SH3BGRL2: variants seen among roughly 807,000 people sequenced by gnomAD.
The protein encoded by SH3BGRL2 is SH3 domain binding glutamate rich protein like 2.
In SH3BGRL2, 21 loss-of-function variants were observed where a neutral mutation model predicts 14.8. The observed-to-expected ratio is 1.42, with a 90% CI of 1.01 to 2.05. The LOEUF is 2.05. Ranked by LOEUF, SH3BGRL2 falls within the 30% of genes most tolerant of loss-of-function variation. The pLI is 0.00. For missense variants in SH3BGRL2, 147 were observed against 130.8 expected, an observed-to-expected ratio of 1.12 and a Z score of -0.61; for synonymous variants, 50 against 47.8, an observed-to-expected ratio of 1.05 and a Z score of -0.19.
chr6:79,659,409 T>G (rs895737332), intron 1 of SH3BGRL2, among the ~76,000 whole-genome samples: 24 of 152,172 alleles, frequency 1.6e-4, no homozygotes, highest in African/African-American at 5.5e-4. Flanking sequence ...TTTCCCCATT[T>G]CTTGTTTTTG....
chr6:79,631,560 G>C, intron 1 of SH3BGRL2, 54 bp downstream of exon 1: 1 of 1,333,262 alleles, frequency 7.5e-7, no homozygotes, highest in Non-Finnish European at 9.7e-7. Context: ...CGGGTCCTGC[G>C]GGAGGCGCGC....
the SH3BGRL2 span, among the ~76,000 whole-genome samples, chr6:79,607,512 T>C: frequency 6.6e-6 from 1 of 152,222 alleles, no homozygotes; most frequent in Non-Finnish European, 1.5e-5. Context: ...CATTGTTAGA[T>C]GTTCCAGCCT....
chr6:79,574,297 G>A, the SH3BGRL2 span: 3 of 152,126 alleles, frequency 2.0e-5, no homozygotes, highest in Non-Finnish European at 2.9e-5. Context: ...GAATATATGG[G>A]GAGAAACTAA....
chr6:79,632,172 T>C (rs1427271186), intron 1 of SH3BGRL2, among the ~76,000 whole-genome samples: 1 of 152,204 alleles, frequency 6.6e-6, no homozygotes, highest in Non-Finnish European at 1.5e-5. Context: ...CTGTGGAAAT[T>C]TTATCCTGGG....
chr6:79,624,974 G>A, the SH3BGRL2 span, among the ~76,000 whole-genome samples: 1 of 151,982 alleles, frequency 6.6e-6, no homozygotes, highest in Non-Finnish European at 1.5e-5. Flanking sequence ...GGTTCCAGAT[G>A]AGCCCAGGCA....
At chr6:79,660,667 G>A (rs1024733145) in intron 1 of SH3BGRL2, among the ~76,000 whole-genome samples, 1 of 152,184 alleles carries the variant, frequency 6.6e-6, no homozygotes, top group African/African-American at 2.4e-5. Context: ...ATGAGTTAGG[G>A]AGGATTCCGT....
intron 1 of SH3BGRL2, among the ~76,000 whole-genome samples, chr6:79,655,884 C>T (rs925229397): frequency 2.0e-5 from 3 of 152,160 alleles, no homozygotes; most frequent in Non-Finnish European, 4.4e-5. Flanking sequence ...ATAATCTGTG[C>T]TTTAACAAGC....
chr6:79,703,442 T>C lies in SH3BGRL2; in HGVS notation c.*3933T>C, dbSNP rs1770507653. 6.6e-6 allele frequency: 1 copy of C among 152,112 alleles called. No homozygotes were observed. Among genetic ancestry groups the C allele is most frequent in the South Asian group, 2.1e-4 (1 of 4,818 alleles). 9.4% of individuals were successfully genotyped at this position (152,112 alleles called of 1,614,324 possible). On this transcript the variant is annotated 3_prime_UTR_variant, in exon 4 of 4. Transcript: ENST00000369838. The stretch of plus-strand genomic sequence containing the variant: ...ATATATGCTAAAGTATAAAGAGTAA[T>C]AATAATGACAATAAACAAACCCCTG...
At chr6:79,552,552 G>A in the SH3BGRL2 span, among the ~76,000 whole-genome samples, 36 of 152,282 alleles carry the variant, frequency 2.4e-4, no homozygotes, top group Admixed American at 2.2e-3. Flanking sequence ...TACCACAAAA[G>A]AGGGAGGGTA....
chr6:79,629,052 T>C (rs1427282496), upstream of SH3BGRL2, among the ~76,000 whole-genome samples: 2 of 152,222 alleles, frequency 1.3e-5, no homozygotes, highest in East Asian at 3.8e-4. Flanking sequence ...CAGTCTACCA[T>C]AGACAATACC....
chr6:79,686,319 C>A (rs1253866745), intron 2 of SH3BGRL2, among the ~76,000 whole-genome samples: 2 of 151,868 alleles, frequency 1.3e-5, no homozygotes, highest in African/African-American at 4.8e-5. Flanking sequence ...TGCCCTTTTT[C>A]CCCCCTCCCT....
intron 2 of SH3BGRL2, among the ~76,000 whole-genome samples, chr6:79,686,954 C>A (rs1770109922): frequency 6.6e-6 from 1 of 152,142 alleles, no homozygotes; most frequent in South Asian, 2.1e-4. Flanking sequence ...CCATTTTTCC[C>A]TTTCTGTGTC....
At chr6:79,590,180 G>C in the SH3BGRL2 span, among the ~76,000 whole-genome samples, 1 of 151,884 alleles carries the variant, frequency 6.6e-6, no homozygotes, top group Admixed American at 6.6e-5. Flanking sequence ...TGGAGAAAAG[G>C]GATGTTTATA....
the SH3BGRL2 span, among the ~76,000 whole-genome samples, chr6:79,538,305 G>A: frequency 1.3e-5 from 2 of 151,974 alleles, no homozygotes; most frequent in Admixed American, 1.3e-4. Flanking sequence ...GAAGGCAAAT[G>A]CGTTTAATGA....
chr6:79,580,129 A>G, the SH3BGRL2 span, among the ~76,000 whole-genome samples: 1 of 152,322 alleles, frequency 6.6e-6, no homozygotes, highest in East Asian at 1.9e-4. Flanking sequence ...CCGATACAGG[A>G]GCACCCAGAT....
At chr6:79,551,845 T>C in the SH3BGRL2 span, among the ~76,000 whole-genome samples, 1 of 152,178 alleles carries the variant, frequency 6.6e-6, no homozygotes, top group Non-Finnish European at 1.5e-5. Context: ...ATCCCAGCAC[T>C]TTGGGAGGCC....
chr6:79,538,698 C>T, the SH3BGRL2 span, among the ~76,000 whole-genome samples: 1 of 152,046 alleles, frequency 6.6e-6, no homozygotes, highest in Non-Finnish European at 1.5e-5. Context: ...GAAAACATAC[C>T]GTATTTACGT....
the SH3BGRL2 span, among the ~76,000 whole-genome samples, chr6:79,538,032 T>G: frequency 4.4e-5 from 5 of 112,998 alleles, no homozygotes; most frequent in East Asian, 6.3e-4. Context: ...TTTTTTTTTT[T>G]TTTTTTTTTT....
the SH3BGRL2 span, among the ~76,000 whole-genome samples, chr6:79,564,332 C>T: frequency 6.6e-6 from 1 of 152,116 alleles, no homozygotes; most frequent in Non-Finnish European, 1.5e-5. Flanking sequence ...TTATGCCTGG[C>T]AGAGGAAATG....
Sources: gnomAD v4.1 joint callset for allele counts (sites outside exome capture counted in the v4.1 genomes callset) on GRCh38, gnomAD v4.1.1 for gene constraint, MANE v1.5 for transcripts, NCBI Gene and HGNC (gene_info 2026-07-23, HGNC 2026-07-21) for gene names.